SCN4B: variants seen among roughly 807,000 people sequenced by gnomAD.
The protein encoded by SCN4B is sodium channel regulatory subunit beta-4.
Under a neutral mutation model 19.6 loss-of-function variants are expected in SCN4B, and 20 were observed. The ratio of observed to expected loss-of-function variants is 1.02; its 90% CI spans 0.72 to 1.48. SCN4B has a LOEUF of 1.48. Among genes scored for constraint, SCN4B ranks in the 40% most tolerant of loss-of-function variants. The pLI, the probability that SCN4B is intolerant of heterozygous loss-of-function variation, is 0.00. For synonymous variants in SCN4B, 127 were observed against 122.8 expected, an observed-to-expected ratio of 1.03 and a Z score of -0.22; for missense variants, 271 against 287.5, an observed-to-expected ratio of 0.94 and a Z score of 0.42.
In SCN4B at chr11:118,143,894, C is replaced by A. The variant is rs1325424037; in HGVS notation, c.402G>T (p.Lys134Asn). The A allele has an allele frequency of 6.2e-7, 1 of 1,613,714 alleles. No individual in the cohort carries two copies. Reference protein sequence around the residue: ...SDTGKYTCHVKNPKENNLQHH... With the variant: ...SDTGKYTCHVNNPKENNLQHH... ...GCTGGAGATTATTCTCCTTGGGGTT[C>A]TTCACATGGCAGGTGTATTTGCCCG... The change falls in exon 3 of 5, where the codon AAG (lysine) becomes AAT (asparagine). Residue 134 changes from lysine to asparagine, a missense_variant. By Grantham distance (94) the Lys-to-Asn change is moderately conservative. Coordinates refer to ENST00000324727, the MANE Select transcript of SCN4B (RefSeq NM_174934.4).
chr11:118,143,690 A>C (rs1181809158), intron 3 of SCN4B, 143 bp downstream of exon 3: 1 of 674,604 alleles, frequency 1.5e-6, no homozygotes, highest in Non-Finnish European at 2.7e-6. Context: ...TCTAGCTTTT[A>C]GATGTAACTC....
intron 3 of SCN4B, 144 bp from the exon 4 acceptor site, chr11:118,141,480 C>T (rs1948098978): frequency 1.2e-5 from 11 of 902,090 alleles, no homozygotes; most frequent in Admixed American, 8.1e-5. Context: ...CCCAGCCCTC[C>T]CCAGGCCTGC....
chr11:118,147,832 TC>T (rs1431465733), intron 1 of SCN4B, among the ~76,000 whole-genome samples: 1 of 152,064 alleles, frequency 6.6e-6, no homozygotes, highest in Non-Finnish European at 1.5e-5. Flanking sequence ...AGCATACCGG[TC>T]CAGGAATCAG....
rs1285554481 is a variant in SCN4B at position 118,135,580 on chromosome 11, T to C, written c.*1447A>G. 2.2e-6 allele frequency: 1 copy of C among 453,968 alleles called. No individual in the cohort carries two copies. Among genetic ancestry groups the C allele is most frequent in the South Asian group, 1.6e-5 (1 of 64,472 alleles). The allele number at this position is 453,968 out of a possible 1,614,324, so 28.1% of individuals were successfully genotyped here. ...CACTCCCAACATCACCACCTCCCCC[T>C]AGGGCAGGCTAGAAACCCCAATGGG... On this transcript the variant is annotated 3_prime_UTR_variant, in exon 5 of 5. Coordinates refer to ENST00000324727, the MANE Select transcript of SCN4B (RefSeq NM_174934.4).
chr11:118,133,562 G>T lies in SCN4B; in HGVS notation c.*3465C>A. ...CTGAGGCCTCCCAAGGCCTGTTGTT[G>T]CATCATTTGATCTATAGTTACATAG... On this transcript the variant is annotated 3_prime_UTR_variant, in exon 5 of 5. Transcript: ENST00000324727. 2.2e-6 allele frequency: 1 copy of T among 454,452 alleles called. No individual in the cohort carries two copies. The highest frequency in any genetic ancestry group is 1.6e-5 in the South Asian group (1 of 64,476). The allele number at this position is 454,452 out of a possible 1,614,324, so 28.2% of individuals were successfully genotyped here.
At chr11:118,147,996 G>A (rs545520178) in intron 1 of SCN4B, among the ~76,000 whole-genome samples, 1 of 152,328 alleles carries the variant, frequency 6.6e-6, no homozygotes, top group East Asian at 1.9e-4. Flanking sequence ...CAAAAGATGG[G>A]TCCAGAAGAG....
At chr11:118,146,892 G>A (rs1197201461) in intron 1 of SCN4B, among the ~76,000 whole-genome samples, 1 of 152,198 alleles carries the variant, frequency 6.6e-6, no homozygotes, top group Non-Finnish European at 1.5e-5. Flanking sequence ...ACCCACCAGG[G>A]CTCCAATTAG....
intron 1 of SCN4B, chr11:118,145,650 A>G (rs971893265): frequency 2.8e-6 from 1 of 358,704 alleles, no homozygotes; most frequent in Non-Finnish European, 5.2e-6. Context: ...CTAGGACAGT[A>G]CGCGCCTCTC....
At chr11:118,141,106 G>T (rs953313046) in intron 4 of SCN4B, 101 bp downstream of exon 4, 6 of 1,323,268 alleles carry the variant, frequency 4.5e-6, no homozygotes, top group South Asian at 1.2e-5. Context: ...GAATGGGAAT[G>T]GGGGGAAGGA....
At position 118,135,043 on chromosome 11, in the gene SCN4B, C is replaced by T. The variant is rs1565451573; in HGVS notation, c.*1984G>A. The T allele has an allele frequency of 2.2e-6, 1 of 454,096 alleles. No individual in the cohort carries two copies. The highest frequency in any genetic ancestry group is 4.4e-6 in the Non-Finnish European group (1 of 226,798). 28.1% of individuals were successfully genotyped at this position (454,096 alleles called of 1,614,324 possible). A position where few individuals can be genotyped will look rare whatever the true frequency, so the allele number is the denominator to read the frequency against. ...GAAGGAGGAGCCCCAAGGTGCTCTG[C>T]CTCTTCAAATGTCACCATTGAGAAG... On this transcript the variant is annotated 3_prime_UTR_variant, in exon 5 of 5. Coordinates refer to ENST00000324727, the MANE Select transcript of SCN4B (RefSeq NM_174934.4).
chr11:118,152,676 T>C lies in SCN4B; in HGVS notation c.-3A>G, dbSNP rs768880449. 2 of 1,590,026 alleles carry C rather than the reference T, an allele frequency of 1.3e-6. No homozygotes were observed. The highest frequency in any genetic ancestry group is 1.7e-6 in the Non-Finnish European group (2 of 1,162,402). On this transcript the variant is annotated 5_prime_UTR_variant, in exon 1 of 5. Coordinates refer to ENST00000324727, the MANE Select transcript of SCN4B (RefSeq NM_174934.4). ...CCTCCGTCCCCAGCCCCGGGCATAG[T>C]CCTGTTCTCTCCGGAGCGCGCGGGG...
In SCN4B at chr11:118,135,621, T is replaced by A. The variant is rs1947984018; in HGVS notation, c.*1406A>T. On this transcript the variant is annotated 3_prime_UTR_variant, in exon 5 of 5. Transcript: ENST00000324727. ...CCCCAATGGGAGCACCTGGCCGACA[T>A]CTCCAAGATTCAGTCACTGGCCAAT... is the stretch of plus-strand genomic sequence containing the variant. The A allele has an allele frequency of 2.2e-6, 1 of 453,882 alleles. No individual in the cohort carries two copies. The highest frequency in any genetic ancestry group is 2.4e-5 in the Admixed American group (1 of 42,534). The allele number at this position is 453,882 out of a possible 1,614,324, so 28.1% of individuals were successfully genotyped here.
chr11:118,147,297 A>G (rs1948189525), intron 1 of SCN4B, among the ~76,000 whole-genome samples: 1 of 152,212 alleles, frequency 6.6e-6, no homozygotes, highest in Admixed American at 6.5e-5. Flanking sequence ...TTTGAGACTG[A>G]GCAGTTACTA....
chr11:118,141,463 C>A, intron 3 of SCN4B, 127 bp from the exon 4 acceptor site: 1 of 1,081,776 alleles, frequency 9.2e-7, no homozygotes. Context: ...ACATCCACTC[C>A]CAGACCCCCA....
At chr11:118,145,368 G>A in intron 1 of SCN4B, 139 bp from the exon 2 acceptor site, 1 of 1,537,852 alleles carries the variant, frequency 6.5e-7, no homozygotes, top group Non-Finnish European at 8.7e-7. Context: ...GAGGATGGCT[G>A]TCTACTCCAA....
In SCN4B at chr11:118,134,063, C is replaced by T. The variant is rs757060082; in HGVS notation, c.*2964G>A. The T allele has an allele frequency of 1.3e-5, 6 of 454,422 alleles. No homozygotes were observed. Among genetic ancestry groups the T allele is most frequent in the Admixed American group, 2.3e-5 (1 of 42,560 alleles). The allele number at this position is 454,422 out of a possible 1,614,324, so 28.1% of individuals were successfully genotyped here. On this transcript the variant is annotated 3_prime_UTR_variant, in exon 5 of 5. Transcript: ENST00000324727. ...CACCTCCTGCCATCTCACAAGCATGCTCTCAAGCCCTCGCTCCACAAGAGC... is the reference window on the plus strand; with the variant it reads ...CACCTCCTGCCATCTCACAAGCATGTTCTCAAGCCCTCGCTCCACAAGAGC...
At chr11:118,150,867 T>C (rs1486174593) in intron 1 of SCN4B, among the ~76,000 whole-genome samples, 1 of 152,142 alleles carries the variant, frequency 6.6e-6, no homozygotes, top group East Asian at 1.9e-4. Context: ...GGGACTTTGG[T>C]TGGAGTCCCT....
intron 3 of SCN4B, chr11:118,142,883 A>G (rs996014425): frequency 6.6e-6 from 1 of 152,238 alleles, no homozygotes; most frequent in African/African-American, 2.4e-5. Flanking sequence ...GGAAGAGGTG[A>G]CACCATAGGC....
chr11:118,137,078 C>T lies in SCN4B; in HGVS notation c.636G>A (p.Glu212=), dbSNP rs781094819. The change falls in exon 5 of 5, where the codon GAG becomes GAA. Residue 212 remains glutamate, a synonymous_variant. Transcript: ENST00000324727. ...LVSSSGNDNT[E]NGLPGSKAEE... ...CTGCCTTGGAGCCAGGCAAGCCGTT[C>T]TCCGTGTTGTCATTCCCCGAGGAGC... 1 of 1,614,122 alleles carries T rather than the reference C, an allele frequency of 6.2e-7. No homozygotes were observed. The highest frequency in any genetic ancestry group is 1.7e-5 in the Admixed American group (1 of 60,022).
Sources: gnomAD v4.1 joint callset for allele counts (sites outside exome capture counted in the v4.1 genomes callset) on GRCh38, gnomAD v4.1.1 for gene constraint, MANE v1.5 for transcripts, NCBI Gene and HGNC (gene_info 2026-07-23, HGNC 2026-07-21) for gene names.